MAML2: variants seen among roughly 807,000 people sequenced by gnomAD.
The protein encoded by MAML2 is mastermind like transcriptional coactivator 2.
In MAML2, 22 loss-of-function variants were observed where a neutral mutation model predicts 96.1. The ratio of observed to expected loss-of-function variants is 0.23; its 90% CI spans 0.16 to 0.33. MAML2 has a LOEUF of 0.33. MAML2 is among the 10% of genes least tolerant of loss of function. The pLI, the probability that MAML2 is intolerant of heterozygous loss-of-function variation, is 1.00. For missense variants in MAML2, 1,367 were observed against 1,392.4 expected, an observed-to-expected ratio of 0.98 and a Z score of 0.29; for synonymous variants, 561 against 521.3, an observed-to-expected ratio of 1.08 and a Z score of -1.04.
intron 1 of MAML2, among the ~76,000 whole-genome samples, chr11:96,132,582 T>C (rs1860564270): frequency 8.0e-6 from 1 of 125,674 alleles, no homozygotes; most frequent in Non-Finnish European, 2.0e-5. Flanking sequence ...TCTGTTCATG[T>C]GTGTTTGCCT....
intron 1 of MAML2, among the ~76,000 whole-genome samples, chr11:96,271,905 C>T (rs1434851592): frequency 3.3e-5 from 5 of 152,210 alleles, no homozygotes; most frequent in Non-Finnish European, 7.3e-5. Context: ...CTCTCTCCTT[C>T]GCTTACTGCT....
chr11:96,302,689 T>C (rs947586217), intron 1 of MAML2, among the ~76,000 whole-genome samples: 1 of 152,216 alleles, frequency 6.6e-6, no homozygotes, highest in African/African-American at 2.4e-5. Flanking sequence ...CAGACTTTTC[T>C]TGGGTTGCAC....
At chr11:96,067,001 G>A (rs1859254878) in intron 2 of MAML2, among the ~76,000 whole-genome samples, 1 of 152,178 alleles carries the variant, frequency 6.6e-6, no homozygotes, top group Non-Finnish European at 1.5e-5. Flanking sequence ...CAGTGTGTGT[G>A]CACACGCATG....
At position 96,166,177 on chromosome 11, in the gene MAML2, T is replaced by TCTCTCACA. The variant is rs530578845; in HGVS notation, c.514-72661_514-72660insTGTGAGAG. On this transcript the variant is annotated intron_variant, in intron 1 of 4. Coordinates refer to ENST00000524717, the MANE Select transcript of MAML2 (RefSeq NM_032427.4). ...CTGTCTCTCTCTCTCTCTCTCTCTCTCACACACACACACACACACACACAC... is the reference window on the plus strand; with the variant it reads ...CTGTCTCTCTCTCTCTCTCTCTCTCTCTCTCACACACACACACACACACACACACACAC... 5.6e-3 allele frequency among the ~76,000 whole-genome samples: 616 copies of TCTCTCACA among 110,370 alleles called. 3 individuals are homozygous for TCTCTCACA. Among genetic ancestry groups the TCTCTCACA allele is most frequent in the African/African-American group, 0.012 (345 of 28,634 alleles). The allele number at this position is 110,370 out of a possible 152,430, so 72.4% of individuals were successfully genotyped here.
At chr11:96,045,205 G>A (rs1232479257) in intron 2 of MAML2, among the ~76,000 whole-genome samples, 7 of 152,154 alleles carry the variant, frequency 4.6e-5, no homozygotes, top group Non-Finnish European at 5.9e-5. Context: ...CTGGTCACCC[G>A]TACTGAGCAA....
At chr11:96,289,946 C>T (rs1863187000) in intron 1 of MAML2, among the ~76,000 whole-genome samples, 1 of 152,108 alleles carries the variant, frequency 6.6e-6, no homozygotes, top group African/African-American at 2.4e-5. Context: ...TTAATCATTA[C>T]AATCAGGGAA....
chr11:96,338,422 G>A (rs906043625), intron 1 of MAML2, among the ~76,000 whole-genome samples: 1 of 152,220 alleles, frequency 6.6e-6, no homozygotes, highest in East Asian at 1.9e-4. Flanking sequence ...TGTCAATGTG[G>A]ACAGAATTAA....
intron 1 of MAML2, among the ~76,000 whole-genome samples, chr11:96,288,555 A>AC (rs1197849439): frequency 6.6e-6 from 1 of 151,842 alleles, no homozygotes; most frequent in African/African-American, 2.4e-5. Context: ...AAAAAAAAAA[A>AC]AAAAAACAAC....
chr11:96,228,228 G>A (rs180988287), intron 1 of MAML2, among the ~76,000 whole-genome samples: 28 of 152,174 alleles, frequency 1.8e-4, no homozygotes, highest in Middle Eastern at 3.4e-3. Flanking sequence ...AGACATTTTT[G>A]CTGCCTGGCT....
Position 95,979,045 on chromosome 11 carries a change from T to A in MAML2, c.3374A>T (p.Asp1125Val). 6.2e-7 allele frequency: 1 copy of A among 1,614,002 alleles called. No homozygotes were observed. The highest frequency in any genetic ancestry group is 8.5e-7 in the Non-Finnish European group (1 of 1,179,874). The part of the protein sequence containing the change: ...NDNMGPALNS[D>V]ADFIDSLLKT... ...CAATAAAGAATCAATGAAATCAGCA[T>A]CACTGTTTAGGGCAGGGCCCATGTT... The change falls in exon 5 of 5, where the codon GAT becomes GTT. Residue 1125 changes from aspartate to valine, a missense_variant. Physicochemically the swap from Asp to Val is radical, Grantham distance 152. Transcript: ENST00000524717.
chr11:96,214,102 T>C lies in MAML2; in HGVS notation c.514-120585A>G, dbSNP rs930860577. On this transcript the variant is annotated intron_variant, in intron 1 of 4. Transcript: ENST00000524717. Reference sequence around the variant, plus strand: ...ATACACAAATATACATATACATATATACAAATAGTGAAAGTATCTCCTATT... The same window carrying C: ...ATACACAAATATACATATACATATACACAAATAGTGAAAGTATCTCCTATT... Among the ~76,000 whole-genome samples the C allele has an allele frequency of 7.9e-5, 12 of 152,338 alleles. No individual in the cohort carries two copies. In the South Asian group the frequency reaches 1.9e-3, roughly 24 times the overall value.
chr11:96,123,582 G>A (rs1052394638), intron 1 of MAML2, among the ~76,000 whole-genome samples: 1 of 152,218 alleles, frequency 6.6e-6, no homozygotes, highest in African/African-American at 2.4e-5. Context: ...CAGATATGAT[G>A]ACATTTTTAG....
intron 1 of MAML2, among the ~76,000 whole-genome samples, chr11:96,290,299 A>G (rs1217724690): frequency 2.0e-5 from 3 of 152,204 alleles, no homozygotes; most frequent in African/African-American, 4.8e-5. Flanking sequence ...ACTGCACAAA[A>G]TGGTACCCTG....
chr11:96,288,047 T>C (rs1432199761), intron 1 of MAML2, among the ~76,000 whole-genome samples: 2 of 152,072 alleles, frequency 1.3e-5, no homozygotes, highest in African/African-American at 4.8e-5. Flanking sequence ...AATAATTAAG[T>C]TGGGTATTAT....
intron 1 of MAML2, among the ~76,000 whole-genome samples, chr11:96,258,380 T>G (rs1862698251): frequency 6.6e-6 from 1 of 152,312 alleles, no homozygotes; most frequent in Admixed American, 6.5e-5. Flanking sequence ...GTGGATTATA[T>G]TTTCTAGTGC....
intron 1 of MAML2, among the ~76,000 whole-genome samples, chr11:96,139,581 C>G (rs958981930): frequency 1.3e-5 from 2 of 150,094 alleles, no homozygotes; most frequent in Admixed American, 6.6e-5. Context: ...AATAAGAAAT[C>G]CCCAACCATG....
intron 1 of MAML2, among the ~76,000 whole-genome samples, chr11:96,147,398 A>T (rs1860837895): frequency 6.6e-6 from 1 of 152,172 alleles, no homozygotes; most frequent in Non-Finnish European, 1.5e-5. Flanking sequence ...TTCATCCTTT[A>T]TCCTTGAATT....
intron 1 of MAML2, among the ~76,000 whole-genome samples, chr11:96,328,544 G>A (rs1232652534): frequency 1.3e-5 from 2 of 151,852 alleles, no homozygotes; most frequent in African/African-American, 4.8e-5. Context: ...GACACCCCAC[G>A]CCACCCCCCA....
chr11:96,333,392 GCT>G (rs1453934683), intron 1 of MAML2, among the ~76,000 whole-genome samples: 5 of 151,474 alleles, frequency 3.3e-5, no homozygotes, highest in African/African-American at 1.2e-4. Flanking sequence ...TACATTCTTT[GCT>G]CTGAGTTTGG....
Sources: gnomAD v4.1 joint callset for allele counts (sites outside exome capture counted in the v4.1 genomes callset) on GRCh38, gnomAD v4.1.1 for gene constraint, MANE v1.5 for transcripts, NCBI Gene and HGNC (gene_info 2026-07-23, HGNC 2026-07-21) for gene names.